POLI: variants seen among roughly 807,000 people sequenced by gnomAD.
POLI encodes the protein RAD30 homolog B.
POLI carries 58 observed loss-of-function variants against 51.6 expected under a neutral mutation model. The observed-to-expected ratio is 1.12, with a 90% CI of 0.91 to 1.40. POLI has a LOEUF of 1.40. Among genes scored for constraint, POLI ranks in the 40% most tolerant of loss-of-function variants. The pLI is 0.00. For synonymous variants in POLI, 322 were observed against 299.7 expected (o/e 1.07, Z -0.77); for missense variants, 921 against 871.3 (o/e 1.06, Z -0.72).
intron 3 of POLI, among the ~76,000 whole-genome samples, chr18:54,316,149 A>G (rs754784758): frequency 6.6e-6 from 1 of 152,176 alleles, no homozygotes; most frequent in East Asian, 1.9e-4. Flanking sequence ...TCCTGGGCTC[A>G]AGTGATCTTC....
At chr18:54,291,401 C>A (rs1568140062) in intron 8 of POLI, 1 of 152,914 alleles carries the variant, frequency 6.5e-6, no homozygotes, top group African/African-American at 2.4e-5. Context: ...GCTTTTGCAG[C>A]CTTCACCCTG....
chr18:54,285,678 C>T (rs3730758), intron 7 of POLI, among the ~76,000 whole-genome samples: 38 of 151,960 alleles, frequency 2.5e-4, no homozygotes, highest in Admixed American at 1.7e-3. Context: ...AGATTGCTTA[C>T]GATACAGCCT....
chr18:54,309,222 A>C (rs190062023), intron 3 of POLI, among the ~76,000 whole-genome samples: 175 of 152,268 alleles, frequency 1.1e-3, no homozygotes, highest in African/African-American at 4.1e-3. Context: ...TTTGTGGTTT[A>C]ATCTACCTTT....
downstream of POLI, among the ~76,000 whole-genome samples, chr18:54,302,162 G>C (rs546396566): frequency 2.6e-5 from 4 of 152,242 alleles, no homozygotes; most frequent in African/African-American, 9.6e-5. Context: ...GGCTGGTTAT[G>C]TTTATCAAAT....
chr18:54,306,032 A>C (rs2088579580), intron 3 of POLI, among the ~76,000 whole-genome samples: 2 of 152,164 alleles, frequency 1.3e-5, no homozygotes, highest in South Asian at 4.1e-4. Context: ...TGCTGGGATT[A>C]CAGGCGTGAG....
At chr18:54,310,083 G>A (rs1459090425) in intron 3 of POLI, among the ~76,000 whole-genome samples, 3 of 152,124 alleles carry the variant, frequency 2.0e-5, no homozygotes, top group South Asian at 2.1e-4. Context: ...CTTGGCATCC[G>A]TGGGCTGCAC....
intron 1 of POLI, chr18:54,270,587 T>G (rs1347390014): frequency 6.6e-6 from 1 of 152,190 alleles, no homozygotes; most frequent in South Asian, 2.1e-4. Context: ...TTAATTGAAC[T>G]ACACGCTTTA....
chr18:54,311,877 G>T (rs535350401), intron 3 of POLI, among the ~76,000 whole-genome samples: 2 of 152,212 alleles, frequency 1.3e-5, no homozygotes, highest in South Asian at 4.1e-4. Context: ...ATCTAATCAG[G>T]ATTAATGATT....
chr18:54,304,178 G>T (rs1430124822), intron 3 of POLI, among the ~76,000 whole-genome samples: 1 of 152,112 alleles, frequency 6.6e-6, no homozygotes, highest in African/African-American at 2.4e-5. Context: ...CATTTGGGTT[G>T]GTTCCAAGTT....
chr18:54,293,711 A>G lies in POLI; in HGVS notation c.1467A>G (p.Leu489=), dbSNP rs147004329. ...ACAAAGAAACAAACCGGGATTTCCTACCAAGTGGAAGAATTGAAAGTACAA... is the reference window on the plus strand; with the variant it reads ...ACAAAGAAACAAACCGGGATTTCCTGCCAAGTGGAAGAATTGAAAGTACAA... The part of the protein sequence containing the change: ...PKDKETNRDF[L]PSGRIESTRT... Residue 489 remains leucine (L), a synonymous_variant, in exon 10 of 10, where the codon CTA becomes CTG. Transcript: ENST00000579534. 16 of 1,599,402 alleles carry G rather than the reference A, an allele frequency of 1.0e-5. No individual in the cohort carries two copies. In the African/African-American group the frequency reaches 1.9e-4, roughly 19 times the overall value.
chr18:54,293,560 G>A (rs1053142170), intron 9 of POLI, 89 bp from the exon 10 acceptor site: 3 of 900,986 alleles, frequency 3.3e-6, no homozygotes, highest in Admixed American at 5.9e-5. Flanking sequence ...TTAGAAACAT[G>A]TCAGATAATA....
Position 54,295,081 on chromosome 18 carries a change from C to CT in POLI, c.*614_*615insT. 1.0e-6 allele frequency: 1 copy of CT among 985,352 alleles called. No homozygotes were observed. The highest frequency in any genetic ancestry group is 1.2e-6 in the Non-Finnish European group (1 of 829,956). 61.0% of individuals were successfully genotyped at this position (985,352 alleles called of 1,614,324 possible). On this transcript the variant is annotated 3_prime_UTR_variant, in exon 10 of 10. Coordinates refer to ENST00000579534, the MANE Select transcript of POLI (RefSeq NM_007195.3). Reference sequence around the variant, plus strand: ...AATGAATGAATGGTTTGGCTAGGGCCAGGGTGGGGAGTTAAAGTGAGAGGA... The same window carrying CT: ...AATGAATGAATGGTTTGGCTAGGGCCTAGGGTGGGGAGTTAAAGTGAGAGGA...
chr18:54,299,296 G>A (rs778279336), downstream of POLI, among the ~76,000 whole-genome samples: 5 of 152,182 alleles, frequency 3.3e-5, no homozygotes, highest in African/African-American at 4.8e-5. Flanking sequence ...TTGACTGGGC[G>A]TGGTGGTGCA....
chr18:54,293,441 C>T (rs1339874545), intron 9 of POLI, among the ~76,000 whole-genome samples: 1 of 149,710 alleles, frequency 6.7e-6, no homozygotes, highest in Admixed American at 6.6e-5. Context: ...AGGAAGGAAA[C>T]CTCTTCCTGG....
intron 8 of POLI, among the ~76,000 whole-genome samples, chr18:54,289,627 G>C (rs2087906111): frequency 1.4e-5 from 2 of 144,040 alleles, no homozygotes; most frequent in South Asian, 4.5e-4. Flanking sequence ...CAGAAAAACA[G>C]AGATACAGAA....
At chr18:54,302,505 A>G (rs1038393321), downstream of POLI, among the ~76,000 whole-genome samples, 12 of 152,156 alleles carry the variant, frequency 7.9e-5, no homozygotes, top group African/African-American at 2.7e-4. Context: ...CATAGTAGGT[A>G]TGTATATTTA....
chr18:54,281,136 T>G (rs563474179), intron 5 of POLI, among the ~76,000 whole-genome samples: 1 of 152,300 alleles, frequency 6.6e-6, no homozygotes, highest in South Asian at 2.1e-4. Context: ...TTATCTACTT[T>G]TGTATGGTTA....
At chr18:54,312,809 G>T (rs569818089) in intron 3 of POLI, among the ~76,000 whole-genome samples, 1 of 151,872 alleles carries the variant, frequency 6.6e-6, no homozygotes, top group African/African-American at 2.4e-5. Flanking sequence ...GTTATTTGTT[G>T]TTTGCTTGTT....
intron 1 of POLI, chr18:54,269,996 G>GGA (rs2086930555): frequency 1.9e-6 from 2 of 1,065,214 alleles, no homozygotes; most frequent in South Asian, 8.4e-5. Flanking sequence ...TTTTAACTTT[G>GGA]GAGAAGTTGA....
Sources: gnomAD v4.1 joint callset for allele counts (sites outside exome capture counted in the v4.1 genomes callset) on GRCh38, gnomAD v4.1.1 for gene constraint, MANE v1.5 for transcripts, NCBI Gene and HGNC (gene_info 2026-07-23, HGNC 2026-07-21) for gene names.